Variants in ESRRG observed in about 807,000 individuals in gnomAD.
The protein encoded by ESRRG is estrogen related receptor gamma.
A neutral mutation model predicts 44.0 loss-of-function variants in ESRRG; 13 were observed. The observed-to-expected ratio is 0.30, with a 90% CI of 0.19 to 0.47. The LOEUF (loss-of-function observed/expected upper bound fraction) is 0.47, where lower values mean the gene tolerates loss of function less well. Among genes scored for constraint, ESRRG ranks in the 20% least tolerant of loss-of-function variants. The pLI, the probability that ESRRG is intolerant of heterozygous loss-of-function variation, is 1.00. For synonymous variants in ESRRG, 215 were observed against 214.6 expected (o/e 1.00, Z -0.02); for missense variants, 395 against 580.6 (o/e 0.68, Z 3.29).
intron 3 of ESRRG, among the ~76,000 whole-genome samples, chr1:216,637,881 T>A (rs1204660051): frequency 6.6e-6 from 1 of 152,126 alleles, no homozygotes; most frequent in African/African-American, 2.4e-5. Context: ...CATGGTCATA[T>A]GAATATAAAA....
intron 2 of ESRRG, among the ~76,000 whole-genome samples, chr1:216,932,719 G>GTTTTT (rs397860904): frequency 2.8e-5 from 2 of 70,294 alleles, no homozygotes; most frequent in East Asian, 5.4e-4. Context: ...CACCAAACTT[G>GTTTTT]TTTTTTTTTT....
At chr1:216,657,602 C>T (rs994167505) in intron 2 of ESRRG, among the ~76,000 whole-genome samples, 8 of 152,124 alleles carry the variant, frequency 5.3e-5, no homozygotes, top group Admixed American at 5.2e-4. Context: ...CTGTCTCAGG[C>T]TCTAAAAGAG....
At chr1:217,085,277 G>T (rs1580509267) in intron 1 of ESRRG, among the ~76,000 whole-genome samples, 1 of 151,950 alleles carries the variant, frequency 6.6e-6, no homozygotes, top group Non-Finnish European at 1.5e-5. Flanking sequence ...GAACCATAAG[G>T]CTGTGTGTAT....
intron 2 of ESRRG, among the ~76,000 whole-genome samples, chr1:216,851,719 C>T (rs543104994): frequency 6.6e-6 from 1 of 152,226 alleles, no homozygotes; most frequent in South Asian, 2.1e-4. Context: ...TACAGCAGGC[C>T]GAACTAAGAC....
intron 1 of ESRRG, among the ~76,000 whole-genome samples, chr1:217,029,549 A>G (rs1279800866): frequency 6.6e-6 from 1 of 152,236 alleles, no homozygotes; most frequent in Non-Finnish European, 1.5e-5. Context: ...AACGCATTAT[A>G]TAAAGTTGAA....
intron 2 of ESRRG, among the ~76,000 whole-genome samples, chr1:216,806,988 C>T (rs2094813368): frequency 6.6e-6 from 1 of 152,086 alleles, no homozygotes; most frequent in Admixed American, 6.6e-5. Context: ...CTGTAGCTTC[C>T]TCTCGTATGT....
intron 5 of ESRRG, among the ~76,000 whole-genome samples, chr1:216,560,173 GT>G (rs1268865908): frequency 6.6e-6 from 1 of 152,052 alleles, no homozygotes; most frequent in Non-Finnish European, 1.5e-5. Flanking sequence ...TTCTTTTAGA[GT>G]TTAATAACTC....
chr1:216,609,648 A>T (rs1574039926), intron 3 of ESRRG, among the ~76,000 whole-genome samples: 1 of 152,240 alleles, frequency 6.6e-6, no homozygotes, highest in African/African-American at 2.4e-5. Context: ...ATCCTCTGTG[A>T]TTCACTAAAT....
intron 1 of ESRRG, among the ~76,000 whole-genome samples, chr1:217,028,663 C>A (rs1029682985): frequency 1.2e-4 from 19 of 152,230 alleles, no homozygotes; most frequent in African/African-American, 3.9e-4. Flanking sequence ...ATAAAATTGG[C>A]AAAGAATATT....
intron 2 of ESRRG, among the ~76,000 whole-genome samples, chr1:216,776,154 T>G (rs1372334091): frequency 6.6e-6 from 1 of 152,124 alleles, no homozygotes; most frequent in East Asian, 1.9e-4. Flanking sequence ...CTTTTTGGTC[T>G]GGCCTGAGCC....
At chr1:216,512,081 A>T in intron 6 of ESRRG, among the ~76,000 whole-genome samples, 1 of 152,370 alleles carries the variant, frequency 6.6e-6, no homozygotes, top group African/African-American at 2.4e-5. Context: ...AAAAAAGAGA[A>T]GAAAAACAAC....
intron 1 of ESRRG, among the ~76,000 whole-genome samples, chr1:217,134,607 G>A (rs2093021726): frequency 6.6e-6 from 1 of 152,222 alleles, no homozygotes; most frequent in African/African-American, 2.4e-5. Context: ...GCGGGAAAGG[G>A]CACTTTGACC....
intron 1 of ESRRG, among the ~76,000 whole-genome samples, chr1:216,941,893 C>A (rs2065283550): frequency 6.6e-6 from 1 of 152,084 alleles, no homozygotes; most frequent in African/African-American, 2.4e-5. Context: ...AAATTCCAAA[C>A]AACCAGTTTT....
intron 1 of ESRRG, among the ~76,000 whole-genome samples, chr1:216,956,745 T>C (rs1441206993): frequency 6.6e-6 from 1 of 152,170 alleles, no homozygotes; most frequent in East Asian, 1.9e-4. Flanking sequence ...TTAGAGAGAA[T>C]AGAAATAGCC....
intron 2 of ESRRG, among the ~76,000 whole-genome samples, chr1:216,908,731 A>G (rs759289756): frequency 2.0e-5 from 3 of 152,120 alleles, no homozygotes; most frequent in Non-Finnish European, 4.4e-5. Flanking sequence ...ACACAAGATC[A>G]CATAACAGAA....
At chr1:217,117,696 T>C (rs2092750045) in intron 1 of ESRRG, among the ~76,000 whole-genome samples, 1 of 152,206 alleles carries the variant, frequency 6.6e-6, no homozygotes, top group South Asian at 2.1e-4. Context: ...TTATTATATA[T>C]GTTATTAAAC....
At chr1:216,751,281 A>C (rs2091980715) in intron 2 of ESRRG, among the ~76,000 whole-genome samples, 1 of 152,188 alleles carries the variant, frequency 6.6e-6, no homozygotes. Flanking sequence ...TTAGAGAAAG[A>C]ACTGGGATCA....
At chr1:216,821,011 A>G (rs1372697841) in intron 2 of ESRRG, among the ~76,000 whole-genome samples, 2 of 152,170 alleles carry the variant, frequency 1.3e-5, no homozygotes, top group Non-Finnish European at 2.9e-5. Flanking sequence ...AATAAACTAC[A>G]TTACGAAGTT....
chr1:216,982,805 A>G (rs2074183194), intron 1 of ESRRG, among the ~76,000 whole-genome samples: 1 of 152,228 alleles, frequency 6.6e-6, no homozygotes, highest in Non-Finnish European at 1.5e-5. Context: ...GAGTTTAATG[A>G]GCAGTAAGAA....
Sources: gnomAD v4.1 joint callset for allele counts (sites outside exome capture counted in the v4.1 genomes callset) on GRCh38, gnomAD v4.1.1 for gene constraint, MANE v1.5 for transcripts, NCBI Gene and HGNC (gene_info 2026-07-23, HGNC 2026-07-21) for gene names.